Variants in RNLS observed in about 807,000 individuals in gnomAD.
RNLS encodes renalase, FAD dependent amine oxidase.
RNLS carries 39 observed loss-of-function variants against 39.8 expected under a neutral mutation model. The ratio of observed to expected loss-of-function variants is 0.98; its 90% CI spans 0.76 to 1.28. RNLS has a LOEUF of 1.28. Among genes scored for constraint, RNLS ranks in the 50% most tolerant of loss-of-function variants. RNLS has a pLI of 0.00. For synonymous variants in RNLS, 147 were observed against 150.7 expected (o/e 0.98, Z 0.18); for missense variants, 410 against 413.3 (o/e 0.99, Z 0.07).
At chr10:88,298,902 CTCTGGTTA>C (rs1844297683) in intron 6 of RNLS, among the ~76,000 whole-genome samples, 1 of 152,144 alleles carries the variant, frequency 6.6e-6, no homozygotes, top group African/African-American at 2.4e-5. Flanking sequence ...CTGTAGATCA[CTCTGGTTA>C]ATACTGCCAT....
At chr10:88,503,920 T>G (rs1489383816) in intron 4 of RNLS, among the ~76,000 whole-genome samples, 1 of 152,154 alleles carries the variant, frequency 6.6e-6, no homozygotes, top group Admixed American at 6.6e-5. Context: ...TGAATATGCT[T>G]TCTCTCTCAT....
downstream of RNLS, among the ~76,000 whole-genome samples, chr10:88,271,881 C>T (rs1321646870): frequency 6.6e-6 from 1 of 152,174 alleles, no homozygotes; most frequent in Non-Finnish European, 1.5e-5. Context: ...TTTCTGTATG[C>T]GGCTCTAACT....
intron 5 of RNLS, among the ~76,000 whole-genome samples, chr10:88,336,868 G>A (rs7895674): frequency 0.29 from 44,289 of 151,892 alleles, 8,508 homozygotes; most frequent in African/African-American, 0.54. Flanking sequence ...CCCTGAGAGC[G>A]GAGTAGATGT....
At chr10:88,556,044 C>A (rs1848855302) in intron 4 of RNLS, among the ~76,000 whole-genome samples, 1 of 152,156 alleles carries the variant, frequency 6.6e-6, no homozygotes, top group Non-Finnish European at 1.5e-5. Flanking sequence ...CTCTATTAAG[C>A]AACTCAAACC....
downstream of RNLS, among the ~76,000 whole-genome samples, chr10:88,271,602 C>T (rs753080055): frequency 1.1e-4 from 17 of 152,218 alleles, no homozygotes; most frequent in Admixed American, 3.3e-4. Flanking sequence ...CTCAGCACAG[C>T]AGGCTCTTGG....
At chr10:88,518,274 A>C (rs779554387) in intron 4 of RNLS, among the ~76,000 whole-genome samples, 1 of 151,924 alleles carries the variant, frequency 6.6e-6, no homozygotes, top group Admixed American at 6.6e-5. Flanking sequence ...GTATAATGTA[A>C]CCCACAGGCA....
At chr10:88,176,786 T>C in the RNLS span, among the ~76,000 whole-genome samples, 2 of 152,204 alleles carry the variant, frequency 1.3e-5, no homozygotes, top group African/African-American at 4.8e-5. Context: ...GACAGTCTTT[T>C]AATTTATGAA....
chr10:88,384,452 A>G (rs1206826285), intron 4 of RNLS, among the ~76,000 whole-genome samples: 3 of 152,214 alleles, frequency 2.0e-5, no homozygotes, highest in African/African-American at 7.2e-5. Flanking sequence ...TCAAAGCCAC[A>G]CAACCTAGGC....
At chr10:88,369,974 G>C (rs1215725730) in intron 4 of RNLS, among the ~76,000 whole-genome samples, 2 of 152,112 alleles carry the variant, frequency 1.3e-5, no homozygotes, top group Admixed American at 1.3e-4. Flanking sequence ...GTGTGAGCCA[G>C]TGTGCCCAGC....
At chr10:88,274,827 A>G in exon 7 of RNLS, 2 of 639,682 alleles carry the variant, frequency 3.1e-6, no homozygotes, top group Non-Finnish European at 5.6e-6. Flanking sequence ...AAGGGAATCC[A>G]ATATCTCCAC....
chr10:88,429,874 G>A (rs78750775), intron 4 of RNLS, among the ~76,000 whole-genome samples: 25,007 of 151,594 alleles, frequency 0.16, 2,740 homozygotes, highest in Non-Finnish European at 0.25. Context: ...ATTTCTATTC[G>A]GTTCCGCTGA....
chr10:88,381,918 T>C (rs1851530971), intron 4 of RNLS, among the ~76,000 whole-genome samples: 1 of 151,894 alleles, frequency 6.6e-6, no homozygotes, highest in Non-Finnish European at 1.5e-5. Context: ...TTTTGGTACA[T>C]ACAAATTATA....
intron 5 of RNLS, chr10:88,343,514 T>C: frequency 2.1e-6 from 2 of 957,780 alleles, no homozygotes; most frequent in Middle Eastern, 5.4e-4. Flanking sequence ...AACATATATA[T>C]ATATTTTCCA....
chr10:88,555,189 G>A (rs747582353), intron 4 of RNLS, among the ~76,000 whole-genome samples: 2 of 152,018 alleles, frequency 1.3e-5, no homozygotes, highest in Non-Finnish European at 2.9e-5. Flanking sequence ...AGAAACACTG[G>A]TCTAAACACA....
chr10:88,320,840 T>C (rs1171674250), intron 5 of RNLS, among the ~76,000 whole-genome samples: 1 of 147,510 alleles, frequency 6.8e-6, no homozygotes, highest in East Asian at 2.0e-4. Flanking sequence ...TAGACAGCCT[T>C]ACAATAATAG....
At position 88,276,891 on chromosome 10, in the gene RNLS, G is replaced by A. The variant is rs373336448; in HGVS notation, c.877-1859C>T. Among the ~76,000 whole-genome samples, 6 of 152,294 alleles carry A rather than the reference G, an allele frequency of 3.9e-5. No homozygotes were observed. The South Asian group carries it at 1.2e-3, about 32-fold the overall frequency. On this transcript the variant is annotated intron_variant, in intron 6 of 6. Coordinates refer to the RNLS transcript ENST00000371947. The stretch of plus-strand genomic sequence containing the variant: ...TTTGCAATTTCCCTCTAGGGACATG[G>A]TATATCCTCCCTTGTTCAAATGTTT...
the RNLS span, among the ~76,000 whole-genome samples, chr10:88,254,746 A>C: frequency 9.2e-5 from 14 of 152,214 alleles, no homozygotes; most frequent in Non-Finnish European, 1.8e-4. Flanking sequence ...GAGCTAACAT[A>C]GAGATCCAGT....
At chr10:88,368,395 G>A (rs1850283555) in intron 4 of RNLS, among the ~76,000 whole-genome samples, 1 of 152,070 alleles carries the variant, frequency 6.6e-6, no homozygotes, top group Non-Finnish European at 1.5e-5. Flanking sequence ...AGTGACTAGT[G>A]CAACAATGGC....
At chr10:88,203,264 GTATGTATATATATATA>G in the RNLS span, among the ~76,000 whole-genome samples, 9 of 5,086 alleles carry the variant, frequency 1.8e-3, 3 homozygotes, top group African/African-American at 0.015. Context: ...GTGTGTGTGT[GTATGTATATATATATA>G]TATATATATA....
Sources: gnomAD v4.1 joint callset for allele counts (sites outside exome capture counted in the v4.1 genomes callset) on GRCh38, gnomAD v4.1.1 for gene constraint, MANE v1.5 for transcripts, NCBI Gene and HGNC (gene_info 2026-07-23, HGNC 2026-07-21) for gene names.